The following CNTNAP2 variants were observed in gnomAD, a reference collection of about 807,000 sequenced individuals.
CNTNAP2 encodes the protein contactin-associated protein-like 2.
In CNTNAP2, 98 loss-of-function variants were observed where a neutral mutation model predicts 155.2. The observed-to-expected ratio is 0.63, with a 90% confidence interval of 0.54 to 0.75. The LOEUF (loss-of-function observed/expected upper bound fraction) is 0.75, where lower values mean the gene tolerates loss of function less well. Ranked by LOEUF, CNTNAP2 falls within the 30% of genes least tolerant of loss-of-function variation. The pLI is 0.00. For synonymous variants in CNTNAP2, 651 were observed against 631.2 expected, an observed-to-expected ratio of 1.03 and a Z score of -0.47; for missense variants, 1,727 against 1,688.1, an observed-to-expected ratio of 1.02 and a Z score of -0.40.
chr7:147,549,215 G>C (rs1017823935), intron 11 of CNTNAP2, among the ~76,000 whole-genome samples: 2 of 152,136 alleles, frequency 1.3e-5, no homozygotes, highest in African/African-American at 4.8e-5. Flanking sequence ...TCATGATAAT[G>C]ATTCTTCCTC....
At chr7:146,840,088 G>A (rs1471058384) in intron 3 of CNTNAP2, among the ~76,000 whole-genome samples, 184 bp downstream of exon 3, 2 of 152,170 alleles carry the variant, frequency 1.3e-5, no homozygotes, top group African/African-American at 2.4e-5. Flanking sequence ...AATGGTTAAA[G>A]CAATGATTCT....
chr7:147,482,865 G>A lies in CNTNAP2; in HGVS notation c.1671-3070G>A, dbSNP rs566931247. Reference sequence around the variant, plus strand: ...GTTCGGCACCAGCCTGACCAACATGGTGAAACCCTGTCTCTAATAAAAATA... The same window carrying A: ...GTTCGGCACCAGCCTGACCAACATGATGAAACCCTGTCTCTAATAAAAATA... On this transcript the variant is annotated intron_variant, in intron 10 of 23. Coordinates refer to ENST00000361727, the MANE Select transcript of CNTNAP2 (RefSeq NM_014141.6). Among the ~76,000 whole-genome samples the A allele has an allele frequency of 2.0e-5, 3 of 152,098 alleles. No individual in the cohort carries two copies. The South Asian group carries it at 6.2e-4, about 32-fold the overall frequency.
intron 13 of CNTNAP2, among the ~76,000 whole-genome samples, chr7:147,834,727 C>A (rs528947369): frequency 1.1e-4 from 16 of 152,270 alleles, no homozygotes; most frequent in Admixed American, 5.2e-4. Context: ...CCAGTACTTA[C>A]AATTCTGACT....
At position 146,229,842 on chromosome 7, in the gene CNTNAP2, T is replaced by C. The variant is rs187211640; in HGVS notation, c.97+112869T>C. Among the ~76,000 whole-genome samples, 5 of 152,312 alleles carry C rather than the reference T, an allele frequency of 3.3e-5. No individual in the cohort carries two copies. In the East Asian group the frequency reaches 7.7e-4, roughly 24 times the overall value. On this transcript the variant is annotated intron_variant, in intron 1 of 23. Transcript: ENST00000361727. Reference sequence around the variant, plus strand: ...TAAAGAGATTTTTAAAATATCCTACTTTTGAACATCTTTGCTGCCATCCTT... The same window carrying C: ...TAAAGAGATTTTTAAAATATCCTACCTTTGAACATCTTTGCTGCCATCCTT...
At chr7:146,650,903 G>A (rs957320854) in intron 1 of CNTNAP2, among the ~76,000 whole-genome samples, 2 of 152,058 alleles carry the variant, frequency 1.3e-5, no homozygotes, top group East Asian at 1.9e-4. Context: ...CACCTGTATC[G>A]CAACTATTCA....
intron 21 of CNTNAP2, among the ~76,000 whole-genome samples, chr7:148,363,871 T>G (rs1798675735): frequency 6.8e-6 from 1 of 146,002 alleles, no homozygotes; most frequent in Non-Finnish European, 1.5e-5. Flanking sequence ...GAGTTCCGGG[T>G]GGGCGTGGGC....
chr7:146,764,006 A>G (rs1032028739), intron 1 of CNTNAP2, among the ~76,000 whole-genome samples: 1 of 152,210 alleles, frequency 6.6e-6, no homozygotes, highest in African/African-American at 2.4e-5. Context: ...TAAGTAGTCT[A>G]GGAAATAGAC....
chr7:148,235,560 T>C (rs1301832953), intron 20 of CNTNAP2, among the ~76,000 whole-genome samples: 1 of 152,198 alleles, frequency 6.6e-6, no homozygotes, highest in East Asian at 1.9e-4. Context: ...GCCAAATTAT[T>C]GTCCATTATT....
chr7:146,640,165 T>A (rs1799680894), intron 1 of CNTNAP2, among the ~76,000 whole-genome samples: 1 of 152,246 alleles, frequency 6.6e-6, no homozygotes, highest in Non-Finnish European at 1.5e-5. Context: ...CATTTTTATG[T>A]GAAAAATGTA....
intron 9 of CNTNAP2, among the ~76,000 whole-genome samples, chr7:147,357,228 C>A (rs1253725674): frequency 2.0e-5 from 3 of 152,082 alleles, no homozygotes; most frequent in African/African-American, 7.2e-5. Context: ...ACTACAGGGA[C>A]TTTTCTAATA....
At chr7:146,722,147 C>T (rs1289537570) in intron 1 of CNTNAP2, among the ~76,000 whole-genome samples, 1 of 151,680 alleles carries the variant, frequency 6.6e-6, no homozygotes, top group Non-Finnish European at 1.5e-5. Context: ...ACCTTGGCCT[C>T]CCAAAGTGCT....
chr7:146,855,999 A>G (rs1484794085), intron 3 of CNTNAP2, among the ~76,000 whole-genome samples: 5 of 151,560 alleles, frequency 3.3e-5, no homozygotes, highest in African/African-American at 7.3e-5. Context: ...AGTTAGAAAA[A>G]TTTTACCAGG....
intron 13 of CNTNAP2, among the ~76,000 whole-genome samples, chr7:147,864,402 G>T (rs1304904409): frequency 6.6e-6 from 1 of 151,974 alleles, no homozygotes; most frequent in Non-Finnish European, 1.5e-5. Context: ...GATTTTCTTG[G>T]CAATGAGGGG....
chr7:146,875,949 A>C (rs548853709), intron 3 of CNTNAP2, among the ~76,000 whole-genome samples: 1,729 of 145,182 alleles, frequency 0.012, 45 homozygotes, highest in African/African-American at 0.043. Flanking sequence ...AAAAAAAAAA[A>C]AAAAAAAAAA....
intron 17 of CNTNAP2, among the ~76,000 whole-genome samples, chr7:148,156,777 G>A (rs537799598): frequency 6.6e-6 from 1 of 152,220 alleles, no homozygotes; most frequent in Non-Finnish European, 1.5e-5. Flanking sequence ...CCCCATCTCA[G>A]TAGGTGGCAT....
At chr7:148,140,047 A>G (rs572066598) in intron 16 of CNTNAP2, among the ~76,000 whole-genome samples, 1 of 152,326 alleles carries the variant, frequency 6.6e-6, no homozygotes, top group Non-Finnish European at 1.5e-5. Flanking sequence ...GAAGGCTGCT[A>G]TACTCATGCT....
intron 15 of CNTNAP2, among the ~76,000 whole-genome samples, chr7:148,076,211 G>A: frequency 6.6e-6 from 1 of 152,006 alleles, no homozygotes; most frequent in South Asian, 2.1e-4. Flanking sequence ...TTCTCAGGAG[G>A]GTGACTTTTT....
intron 1 of CNTNAP2, among the ~76,000 whole-genome samples, chr7:146,420,524 G>T (rs1461112789): frequency 6.6e-6 from 1 of 151,932 alleles, no homozygotes; most frequent in Non-Finnish European, 1.5e-5. Flanking sequence ...AAGTTTTCTG[G>T]CAATATTAAT....
At chr7:146,565,202 A>G (rs1307038101) in intron 1 of CNTNAP2, among the ~76,000 whole-genome samples, 2 of 152,196 alleles carry the variant, frequency 1.3e-5, no homozygotes, top group African/African-American at 4.8e-5. Flanking sequence ...AAGGTTTCTG[A>G]GAGGTACAGC....
Sources: allele counts gnomAD v4.1 joint callset (sites outside exome capture counted in the v4.1 genomes callset), GRCh38; gene constraint gnomAD v4.1.1; transcripts MANE v1.5; gene names NCBI Gene and HGNC (gene_info 2026-07-23, HGNC 2026-07-21).